SPON1: variants seen among roughly 807,000 people sequenced by gnomAD.
SPON1 encodes the protein spondin 1.
In SPON1, 52 loss-of-function variants were observed where a neutral mutation model predicts 111.7. The observed-to-expected ratio is 0.47, with a 90% CI of 0.37 to 0.59. The LOEUF (loss-of-function observed/expected upper bound fraction) is 0.59. Among genes scored for constraint, SPON1 ranks in the 20% least tolerant of loss-of-function variants. The pLI is 0.00. For synonymous variants in SPON1, 410 were observed against 395.8 expected, an observed-to-expected ratio of 1.04 and a Z score of -0.43; for missense variants, 957 against 1,068.5, an observed-to-expected ratio of 0.90 and a Z score of 1.46.
At position 14,161,209 on chromosome 11, in the gene SPON1, T is replaced by C. The variant is rs797038044; in HGVS notation, c.825+25641T>C. On this transcript the variant is annotated intron_variant, in intron 6 of 15. Coordinates refer to ENST00000576479, the MANE Select transcript of SPON1 (RefSeq NM_006108.4). Reference sequence around the variant, plus strand: ...TATATATCTATATATATTTATATATTTATATATATCTATATATATTTATAT... The same window carrying C: ...TATATATCTATATATATTTATATATCTATATATATCTATATATATTTATAT... Among the ~76,000 whole-genome samples, 12 of 47,656 alleles carry C rather than the reference T, an allele frequency of 2.5e-4. No homozygotes were observed. The East Asian group carries it at 6.8e-3, about 27-fold the overall frequency. 31.3% of individuals were successfully genotyped at this position (47,656 alleles called of 152,430 possible). A position where few individuals can be genotyped will look rare whatever the true frequency, so the allele number is the denominator to read the frequency against.
chr11:13,995,730 T>C (rs1043482527), intron 2 of SPON1, among the ~76,000 whole-genome samples: 10 of 152,198 alleles, frequency 6.6e-5, no homozygotes, highest in Non-Finnish European at 1.3e-4. Flanking sequence ...TTATGTACAC[T>C]GGTGGATCAC....
chr11:14,085,558 G>A (rs547779057), intron 5 of SPON1, among the ~76,000 whole-genome samples: 174 of 152,272 alleles, frequency 1.1e-3, no homozygotes, highest in Middle Eastern at 6.8e-3. Context: ...TAGGCTTGTA[G>A]TATAATTTGA....
intron 3 of SPON1, among the ~76,000 whole-genome samples, chr11:14,043,333 T>C (rs1554917509): frequency 6.6e-6 from 1 of 152,082 alleles, no homozygotes; most frequent in Non-Finnish European, 1.5e-5. Context: ...TCTTATGTGA[T>C]TGGTTTGGAG....
intron 6 of SPON1, among the ~76,000 whole-genome samples, chr11:14,208,654 CTT>C (rs1398271464): frequency 6.6e-6 from 1 of 152,100 alleles, no homozygotes; most frequent in Non-Finnish European, 1.5e-5. Context: ...GCATTTAACT[CTT>C]TAACTCATCT....
intron 6 of SPON1, among the ~76,000 whole-genome samples, chr11:14,210,675 A>G (rs868954115): frequency 6.6e-6 from 1 of 152,174 alleles, no homozygotes; most frequent in African/African-American, 2.4e-5. Flanking sequence ...TAGGAGGATT[A>G]CAGGCATGAG....
At chr11:14,168,459 A>T (rs11820478) in intron 6 of SPON1, among the ~76,000 whole-genome samples, 27,001 of 152,052 alleles carry the variant, frequency 0.18, 2,533 homozygotes, top group Admixed American at 0.24. Flanking sequence ...CACATACAAA[A>T]ATGCAGACAG....
chr11:14,057,525 T>TTAGATATTAATC (rs1554919297), intron 3 of SPON1, among the ~76,000 whole-genome samples: 51 of 152,202 alleles, frequency 3.4e-4, no homozygotes, highest in African/African-American at 1.2e-3. Context: ...CAATGTTATC[T>TTAGATATTAATC]AATCTCATGG....
At chr11:13,964,889 G>C (rs2133770824) in intron 1 of SPON1, among the ~76,000 whole-genome samples, 1 of 152,252 alleles carries the variant, frequency 6.6e-6, no homozygotes, top group East Asian at 1.9e-4. Flanking sequence ...ACGTAGCAGA[G>C]AAAGAAGTGG....
intron 3 of SPON1, among the ~76,000 whole-genome samples, chr11:14,049,607 C>G (rs1554918240): frequency 6.6e-6 from 1 of 152,180 alleles, no homozygotes; most frequent in Non-Finnish European, 1.5e-5. Flanking sequence ...TTTGGTAGCA[C>G]TTACTGAACA....
In SPON1 at chr11:13,963,160, G is replaced by T. The variant is rs782600011; in HGVS notation, c.238+18G>T. 2.0e-6 allele frequency: 3 copies of T among 1,479,238 alleles called. No homozygotes were observed. The highest frequency in any genetic ancestry group is 1.8e-6 in the Non-Finnish European group (2 of 1,108,718). The allele number at this position is 1,479,238 out of a possible 1,614,324, so 91.6% of individuals were successfully genotyped here. ...CTACCGCGGTAAGTGGCCGCCCGGC[G>T]TGGCATTAGGAGAGCGGGACCCGGT... On this transcript the variant is annotated intron_variant, in intron 1 of 15. Transcript: ENST00000576479.
rs1847842717 is a variant in SPON1, at chr11:14,156,108, C to A, written c.825+20540C>A. Among the ~76,000 whole-genome samples the A allele has an allele frequency of 1.6e-5, 2 of 122,978 alleles. 1 individual carries two copies. The highest frequency in any genetic ancestry group is 5.7e-5 in the African/African-American group (2 of 34,882). 80.7% of individuals were successfully genotyped at this position (122,978 alleles called of 152,430 possible). A position where few individuals can be genotyped will look rare whatever the true frequency, so the allele number is the denominator to read the frequency against. On this transcript the variant is annotated intron_variant, in intron 6 of 15. Coordinates refer to ENST00000576479, the MANE Select transcript of SPON1 (RefSeq NM_006108.4). ...TGGTTGAACTAGTTTACAGTCCCAC[C>A]AACAGTGTAAAAGTGTTCCTATTTC... is the stretch of plus-strand genomic sequence containing the variant.
chr11:13,967,489 G>T (rs1398689966), intron 1 of SPON1, among the ~76,000 whole-genome samples: 3 of 147,144 alleles, frequency 2.0e-5, no homozygotes, highest in Non-Finnish European at 4.5e-5. Flanking sequence ...AATTCCTTTT[G>T]TTTGTGGGGA....
At chr11:14,263,357 A>C (rs574469273) in intron 15 of SPON1, among the ~76,000 whole-genome samples, 3 of 152,284 alleles carry the variant, frequency 2.0e-5, no homozygotes, top group African/African-American at 7.2e-5. Flanking sequence ...CACTCCTTGC[A>C]AAGAGGGAAA....
chr11:14,263,003 G>A (rs781824279), intron 15 of SPON1, 28 bp downstream of exon 15: 3 of 1,608,272 alleles, frequency 1.9e-6, no homozygotes, highest in Admixed American at 3.3e-5. Context: ...CAGCCTGGGT[G>A]GTCTCCAGGA....
chr11:14,034,956 G>T (rs887333319), intron 2 of SPON1, among the ~76,000 whole-genome samples: 2 of 152,208 alleles, frequency 1.3e-5, no homozygotes, highest in Non-Finnish European at 2.9e-5. Flanking sequence ...TCAGCAAACA[G>T]GGTCCTCACT....
chr11:14,143,835 T>C (rs554900679), intron 6 of SPON1, among the ~76,000 whole-genome samples: 3 of 152,132 alleles, frequency 2.0e-5, no homozygotes, highest in Non-Finnish European at 4.4e-5. Context: ...GGTTTAGCAA[T>C]TGAGGTGGGA....
intron 1 of SPON1, among the ~76,000 whole-genome samples, chr11:13,970,805 C>T (rs1387616956): frequency 2.6e-5 from 4 of 152,280 alleles, no homozygotes; most frequent in South Asian, 2.1e-4. Flanking sequence ...TTATGTTTCC[C>T]GTCACTTTCG....
At chr11:14,010,926 C>G (rs1554913669) in intron 2 of SPON1, among the ~76,000 whole-genome samples, 1 of 152,154 alleles carries the variant, frequency 6.6e-6, no homozygotes, top group African/African-American at 2.4e-5. Flanking sequence ...AATAAAATGC[C>G]CTTGATAAAC....
intron 6 of SPON1, among the ~76,000 whole-genome samples, chr11:14,201,632 A>G (rs1439599357): frequency 6.6e-6 from 1 of 152,148 alleles, no homozygotes; most frequent in Non-Finnish European, 1.5e-5. Context: ...TCCTGGGCTC[A>G]AGTGATCCTC....
Sources: gnomAD v4.1 joint callset for allele counts (sites outside exome capture counted in the v4.1 genomes callset) on GRCh38, gnomAD v4.1.1 for gene constraint, MANE v1.5 for transcripts, NCBI Gene and HGNC (gene_info 2026-07-23, HGNC 2026-07-21) for gene names.